The following SPEM2 variants were observed in gnomAD, a reference collection of about 807,000 sequenced individuals.
SPEM2 encodes SPEM family member 2, also known as uncharacterized protein SPEM2.
A neutral mutation model predicts 9.3 loss-of-function variants in SPEM2; 15 were observed. That is an observed-to-expected ratio of 1.62 (90% CI 1.08 to 2.50). The LOEUF is 2.50. Among genes scored for constraint, SPEM2 ranks in the 30% most tolerant of loss-of-function variants. The pLI is 0.00. For synonymous variants in SPEM2, 268 were observed against 272.4 expected (o/e 0.98, Z 0.16); for missense variants, 678 against 690.0 (o/e 0.98, Z 0.19).
At position 7,425,832 on chromosome 17, in the gene SPEM2, T is replaced by C. The variant is rs1017204262; in HGVS notation, c.138+6T>C. On this transcript the variant is annotated splice_donor_region_variant and intron_variant, in intron 1 of 2. Coordinates refer to ENST00000333870, the MANE Select transcript of SPEM2 (RefSeq NM_175734.5). Reference sequence around the variant, plus strand: ...GCATCAACGTGGCAACTATGGTCAGTGATGATTGTGGACTACCTCTGGGGG... The same window carrying C: ...GCATCAACGTGGCAACTATGGTCAGCGATGATTGTGGACTACCTCTGGGGG... 4.3e-6 allele frequency: 7 copies of C among 1,613,850 alleles called. No individual in the cohort carries two copies. The highest frequency in any genetic ancestry group is 5.9e-6 in the Non-Finnish European group (7 of 1,179,978).
In SPEM2 at chr17:7,426,814, C is replaced by T; in HGVS notation, c.823C>T (p.Gln275Ter). ...SRLWGNVEAE[Q>*]WASSPPPPHR... is the part of the protein sequence containing the mutation. ...ACTGTGGGGCAATGTGGAGGCTGAG[C>T]AGTGGGCCTCGTCTCCACCACCTCC... Residue 275 changes from glutamine to a stop codon, truncating the protein, a stop_gained, in exon 3 of 3, where the codon CAG (glutamine) becomes TAG (stop). Transcript: ENST00000333870. LOFTEE classifies it low-confidence loss of function (END_TRUNC). The surrounding 1 kb of genome is among the most constrained non-coding windows in gnomAD (Gnocchi z 5.3). 1 of 1,606,326 alleles carries T rather than the reference C, an allele frequency of 6.2e-7. No individual in the cohort carries two copies. The highest frequency in any genetic ancestry group is 8.5e-7 in the Non-Finnish European group (1 of 1,175,760).
Position 7,426,922 on chromosome 17 carries a change from T to C in SPEM2, c.931T>C (p.Trp311Arg), listed in dbSNP as rs1907640236. ...PSVGWMLYDS[W>R]DQRRRGTEGF... ...AGTGGGCTGGATGCTGTATGACTCC[T>C]GGGATCAGCGGCGTCGTGGCACGGA... Residue 311 changes from tryptophan to arginine, a missense_variant, in exon 3 of 3, where the codon TGG becomes CGG. By Grantham distance (101) the Trp-to-Arg change is moderately radical (BLOSUM62 -3). Coordinates refer to ENST00000333870, the MANE Select transcript of SPEM2 (RefSeq NM_175734.5). The surrounding 1 kb of genome is among the most constrained non-coding windows in gnomAD (Gnocchi z 5.3). The C allele has an allele frequency of 6.2e-7, 1 of 1,613,320 alleles. No individual in the cohort carries two copies. The highest frequency in any genetic ancestry group is 8.5e-7 in the Non-Finnish European group (1 of 1,179,994).
At position 7,427,289 on chromosome 17, in the gene SPEM2, T is replaced by C; in HGVS notation, c.1298T>C (p.Val433Ala). Residue 433 changes from valine (V) to alanine (A), a missense_variant, in exon 3 of 3, where the codon GTC becomes GCC. Physicochemically the swap from Val to Ala is moderately conservative, Grantham distance 64. Transcript: ENST00000333870. The surrounding 1 kb of genome is among the most constrained non-coding windows in gnomAD (Gnocchi z 5.4). ...VPHSSQPWPK[V>A]QAADPAPPPT... ...CATTCCTCCCAGCCCTGGCCCAAAG[T>C]CCAGGCTGCGGACCCTGCCCCTCCC... is the stretch of plus-strand genomic sequence containing the variant. The C allele has an allele frequency of 6.2e-7, 1 of 1,613,910 alleles. No individual in the cohort carries two copies. Among genetic ancestry groups the C allele is most frequent in the Non-Finnish European group, 8.5e-7 (1 of 1,179,938 alleles).
rs374526288 is a variant in SPEM2 at position 7,426,912 on chromosome 17, G to T, written c.921G>T (p.Leu307=). 8.1e-6 allele frequency: 13 copies of T among 1,613,260 alleles called. No individual in the cohort carries two copies. Among genetic ancestry groups the T allele is most frequent in the Non-Finnish European group, 1.0e-5 (12 of 1,180,018 alleles). ...CTTACCCCTCAGTGGGCTGGATGCT[G>T]TATGACTCCTGGGATCAGCGGCGTC... ...HSPYPSVGWM[L]YDSWDQRRRG... is the part of the protein sequence containing the mutation. The change falls in exon 3 of 3, where the codon CTG becomes CTT. Residue 307 remains leucine, a synonymous_variant. Transcript: ENST00000333870. The surrounding 1 kb of genome is among the most constrained non-coding windows in gnomAD (Gnocchi z 5.3).
rs760182580 is a variant in SPEM2 at position 7,427,313 on chromosome 17, C to A, written c.1322C>A (p.Pro441His). The change falls in exon 3 of 3, where the codon CCC (proline) becomes CAC (histidine). Residue 441 changes from proline to histidine, a missense_variant. Physicochemically the swap from Pro to His is moderately conservative, Grantham distance 77 (BLOSUM62 -2). Coordinates refer to ENST00000333870, the MANE Select transcript of SPEM2 (RefSeq NM_175734.5). This position sits in a 1 kb window ranked among gnomAD's most constrained non-coding sequence, Gnocchi z 5.4. ...GTCCAGGCTGCGGACCCTGCCCCTC[C>A]CCCGACCATGTTTGTCCCACTCAGC... Reference protein sequence around the residue: ...PKVQAADPAPPPTMFVPLSRN... With the variant: ...PKVQAADPAPHPTMFVPLSRN... 1.9e-6 allele frequency: 3 copies of A among 1,614,082 alleles called. No individual in the cohort carries two copies. Among genetic ancestry groups the A allele is most frequent in the South Asian group, 2.2e-5 (2 of 91,070 alleles).
Position 7,426,865 on chromosome 17 carries a change from T to C in SPEM2, c.874T>C (p.Trp292Arg), listed in dbSNP as rs1193897610. ...PPHRLPPNPS[W>R]VPVGHSPYPS... ...CCACCGGCTGCCCCCTAACCCCTCT[T>C]GGGTCCCCGTGGGGCACAGCCCTTA... is the stretch of plus-strand genomic sequence containing the variant. The change falls in exon 3 of 3, where the codon TGG becomes CGG. Residue 292 changes from tryptophan to arginine, a missense_variant. By Grantham distance (101) the Trp-to-Arg change is moderately radical. Coordinates refer to ENST00000333870, the MANE Select transcript of SPEM2 (RefSeq NM_175734.5). This position sits in a 1 kb window ranked among gnomAD's most constrained non-coding sequence, Gnocchi z 5.3. The C allele has an allele frequency of 6.2e-7, 1 of 1,612,810 alleles. No individual in the cohort carries two copies. Among genetic ancestry groups the C allele is most frequent in the Non-Finnish European group, 8.5e-7 (1 of 1,179,678 alleles).
At position 7,426,466 on chromosome 17, in the gene SPEM2, C is replaced by T. The variant is rs141473851; in HGVS notation, c.475C>T (p.Arg159Cys). 3.9e-5 allele frequency: 63 copies of T among 1,613,960 alleles called. No individual in the cohort carries two copies. Among genetic ancestry groups the T allele is most frequent in the Non-Finnish European group, 4.7e-5 (56 of 1,180,036 alleles). The stretch of plus-strand genomic sequence containing the variant: ...AATCCCCCATAGCCACTCAGTCTTC[C>T]GTAACCCACATCGCAGCCAAAAGAT... ...RQIPHSHSVF[R>C]NPHRSQKMSQ... The change falls in exon 3 of 3, where the codon CGT becomes TGT. Residue 159 changes from arginine to cysteine, a missense_variant. Physicochemically the swap from Arg to Cys is radical, Grantham distance 180. Transcript: ENST00000333870. This position sits in a 1 kb window ranked among gnomAD's most constrained non-coding sequence, Gnocchi z 5.3.
Position 7,426,248 on chromosome 17 carries a change from A to G in SPEM2, c.257A>G (p.His86Arg). 6.2e-7 allele frequency: 1 copy of G among 1,614,116 alleles called. No individual in the cohort carries two copies. Residue 86 changes from histidine (H) to arginine (R), a missense_variant, in exon 3 of 3, where the codon CAC (histidine) becomes CGC (arginine). His to Arg is a conservative substitution (Grantham distance 29). Transcript: ENST00000333870. This position sits in a 1 kb window ranked among gnomAD's most constrained non-coding sequence, Gnocchi z 5.3. ...SGPPDKAQDV[H>R]IHCILDPVQV... ...CCCCCAGACAAGGCTCAGGATGTCCACATCCACTGCATCCTGGACCCTGTG... is the reference window on the plus strand; with the variant it reads ...CCCCCAGACAAGGCTCAGGATGTCCGCATCCACTGCATCCTGGACCCTGTG...
rs760478506 is a variant in SPEM2 at position 7,426,950 on chromosome 17, G to A, written c.959G>A (p.Gly320Asp). ...GATCAGCGGCGTCGTGGCACGGAGG[G>A]CTTTGAGCGCCCCCCTGCCTCGGTG... is the stretch of plus-strand genomic sequence containing the variant. ...SWDQRRRGTE[G>D]FERPPASVSR... Residue 320 changes from glycine (G) to aspartate (D), a missense_variant, in exon 3 of 3, where the codon GGC (glycine) becomes GAC (aspartate). Coordinates refer to ENST00000333870, the MANE Select transcript of SPEM2 (RefSeq NM_175734.5). The surrounding 1 kb of genome is among the most constrained non-coding windows in gnomAD (Gnocchi z 5.3). 39 of 1,612,466 alleles carry A rather than the reference G, an allele frequency of 2.4e-5. No individual in the cohort carries two copies. The Middle Eastern group carries it at 8.2e-4, about 34-fold the overall frequency.
rs543714783 is a variant in SPEM2 at position 7,426,791 on chromosome 17, T to C, written c.800T>C (p.Leu267Pro). The change falls in exon 3 of 3, where the codon CTG (leucine) becomes CCG (proline). Residue 267 changes from leucine to proline, a missense_variant. Physicochemically the swap from Leu to Pro is moderately conservative, Grantham distance 98. Coordinates refer to ENST00000333870, the MANE Select transcript of SPEM2 (RefSeq NM_175734.5). The surrounding 1 kb of genome is among the most constrained non-coding windows in gnomAD (Gnocchi z 5.3). ...SYGRHGSQSR[L>P]WGNVEAEQWA... ...GGGCGCCACGGTTCCCAATCCCGAC[T>C]GTGGGGCAATGTGGAGGCTGAGCAG... 6.2e-7 allele frequency: 1 copy of C among 1,603,348 alleles called. No homozygotes were observed. The highest frequency in any genetic ancestry group is 2.2e-5 in the East Asian group (1 of 44,770).
rs760059609 is a variant in SPEM2 at position 7,426,577 on chromosome 17, C to T, written c.586C>T (p.Pro196Ser). The T allele has an allele frequency of 4.3e-6, 7 of 1,614,190 alleles. No homozygotes were observed. In the South Asian group the frequency reaches 6.6e-5, roughly 15 times the overall value. The change falls in exon 3 of 3, where the codon CCC (proline) becomes TCC (serine). Residue 196 changes from proline (P) to serine (S), a missense_variant. Coordinates refer to ENST00000333870, the MANE Select transcript of SPEM2 (RefSeq NM_175734.5). The surrounding 1 kb of genome is among the most constrained non-coding windows in gnomAD (Gnocchi z 5.3). ...GGAGGACAACCTGCCCTTCCCGTAT[C>T]CCAAGTACCCACGTCGCGGCTGGGG... is the stretch of plus-strand genomic sequence containing the variant. ...EEEDNLPFPYPKYPRRGWGGF... is the reference protein window; with the variant it reads ...EEEDNLPFPYSKYPRRGWGGF...
At position 7,426,244 on chromosome 17, in the gene SPEM2, G is replaced by A; in HGVS notation, c.253G>A (p.Val85Ile). Residue 85 changes from valine to isoleucine, a missense_variant, in exon 3 of 3, where the codon GTC (valine) becomes ATC (isoleucine). Transcript: ENST00000333870. This position sits in a 1 kb window ranked among gnomAD's most constrained non-coding sequence, Gnocchi z 5.3. ...TGGTCCCCCAGACAAGGCTCAGGAT[G>A]TCCACATCCACTGCATCCTGGACCC... ...PSGPPDKAQD[V>I]HIHCILDPVQ... 6.2e-7 allele frequency: 1 copy of A among 1,614,156 alleles called. No homozygotes were observed. Among genetic ancestry groups the A allele is most frequent in the Non-Finnish European group, 8.5e-7 (1 of 1,180,018 alleles).
Position 7,426,038 on chromosome 17 carries a change from G to A in SPEM2, c.184G>A (p.Ala62Thr). 1 of 1,614,178 alleles carries A rather than the reference G, an allele frequency of 6.2e-7. No homozygotes were observed. Among genetic ancestry groups the A allele is most frequent in the Non-Finnish European group, 8.5e-7 (1 of 1,180,034 alleles). The change falls in exon 2 of 3, where the codon GCT (alanine) becomes ACT (threonine). Residue 62 changes from alanine to threonine, a missense_variant. By Grantham distance (58) the Ala-to-Thr change is moderately conservative. Coordinates refer to ENST00000333870, the MANE Select transcript of SPEM2 (RefSeq NM_175734.5). The surrounding 1 kb of genome is among the most constrained non-coding windows in gnomAD (Gnocchi z 5.3). ...QNALDKMIDW[A>T]TQKNEIQASE... ...CGCCTTAGACAAGATGATTGATTGG[G>A]CTACTCAGAAAAGTAAGTGTGGCTG...
Position 7,427,555 on chromosome 17 carries a change from C to T in SPEM2, c.*58C>T. On this transcript the variant is annotated 3_prime_UTR_variant, in exon 3 of 3. Coordinates refer to ENST00000333870, the MANE Select transcript of SPEM2 (RefSeq NM_175734.5). The surrounding 1 kb of genome is among the most constrained non-coding windows in gnomAD (Gnocchi z 5.4). ...ATGGAGGGAGAGGAATAAAGAGAAA[C>T]AGAGTCCAGGAAACACTGTGGTGGT... 6.6e-7 allele frequency: 1 copy of T among 1,518,142 alleles called. No homozygotes were observed. 94.0% of individuals were successfully genotyped at this position (1,518,142 alleles called of 1,614,324 possible). A position where few individuals can be genotyped will look rare whatever the true frequency, so the allele number is the denominator to read the frequency against.
In SPEM2 at chr17:7,426,860, C is replaced by T. The variant is rs1907635260; in HGVS notation, c.869C>T (p.Pro290Leu). Residue 290 changes from proline to leucine, a missense_variant, in exon 3 of 3, where the codon CCC becomes CTC. Physicochemically the swap from Pro to Leu is moderately conservative, Grantham distance 98 (BLOSUM62 -3). Coordinates refer to ENST00000333870, the MANE Select transcript of SPEM2 (RefSeq NM_175734.5). This position sits in a 1 kb window ranked among gnomAD's most constrained non-coding sequence, Gnocchi z 5.3. ...PPPPHRLPPNPSWVPVGHSPY... is the reference protein window; with the variant it reads ...PPPPHRLPPNLSWVPVGHSPY... ...CCTCCCCACCGGCTGCCCCCTAACC[C>T]CTCTTGGGTCCCCGTGGGGCACAGC... is the stretch of plus-strand genomic sequence containing the variant. The T allele has an allele frequency of 1.2e-6, 2 of 1,612,614 alleles. No individual in the cohort carries two copies. Among genetic ancestry groups the T allele is most frequent in the Non-Finnish European group, 1.7e-6 (2 of 1,179,620 alleles).
At chr17:7,425,880 C>G in intron 1 of SPEM2, 54 bp downstream of exon 1, 2 of 1,612,362 alleles carry the variant, frequency 1.2e-6, no homozygotes, top group East Asian at 2.2e-5. Flanking sequence ...AGGGTGGGAG[C>G]CAGCTGCAGC....
At position 7,427,197 on chromosome 17, in the gene SPEM2, C is replaced by T. The variant is rs1907661476; in HGVS notation, c.1206C>T (p.Ala402=). The T allele has an allele frequency of 3.7e-6, 6 of 1,614,226 alleles. No individual in the cohort carries two copies. Among genetic ancestry groups the T allele is most frequent in the Middle Eastern group, 1.6e-4 (1 of 6,062 alleles). Reference sequence around the variant, plus strand: ...CCTGGCGTCCTCTGACTACCTCTGCCTCCCTCACGGTGTTGGACGAGGCCT... The same window carrying T: ...CCTGGCGTCCTCTGACTACCTCTGCTTCCCTCACGGTGTTGGACGAGGCCT... ...LPAWRPLTTS[A]SLTVLDEASH... The change falls in exon 3 of 3, where the codon GCC becomes GCT. Residue 402 remains alanine, a synonymous_variant. Transcript: ENST00000333870. This position sits in a 1 kb window ranked among gnomAD's most constrained non-coding sequence, Gnocchi z 5.4.
Position 7,426,080 on chromosome 17 carries a change from C to T in SPEM2, c.196+30C>T, listed in dbSNP as rs370485691. 2 of 1,613,680 alleles carry T rather than the reference C, an allele frequency of 1.2e-6. No individual in the cohort carries two copies. Among genetic ancestry groups the T allele is most frequent in the Admixed American group, 1.7e-5 (1 of 59,990 alleles). ...GTGTGGCTGCTGGAGAGGTAGGGGA[C>T]CCCCATCCCCACCCCTGACAATGGC... On this transcript the variant is annotated intron_variant, in intron 2 of 2. Transcript: ENST00000333870. This position sits in a 1 kb window ranked among gnomAD's most constrained non-coding sequence, Gnocchi z 5.3.
rs2150824834 is a variant in SPEM2, at chr17:7,426,565, C to T, written c.574C>T (p.Pro192Ser). Reference protein sequence around the residue: ...DSYLEEEDNLPFPYPKYPRRG... With the variant: ...DSYLEEEDNLSFPYPKYPRRG... The stretch of plus-strand genomic sequence containing the variant: ...CTACCTGGAGGAGGAGGACAACCTG[C>T]CCTTCCCGTATCCCAAGTACCCACG... Residue 192 changes from proline to serine, a missense_variant, in exon 3 of 3, where the codon CCC becomes TCC. Pro to Ser is a moderately conservative substitution (Grantham distance 74). Transcript: ENST00000333870. The surrounding 1 kb of genome is among the most constrained non-coding windows in gnomAD (Gnocchi z 5.3). 7 of 1,614,216 alleles carry T rather than the reference C, an allele frequency of 4.3e-6. No homozygotes were observed. The South Asian group carries it at 6.6e-5, about 15-fold the overall frequency.
Sources: allele counts gnomAD v4.1 joint callset, GRCh38; gene constraint gnomAD v4.1.1; non-coding constraint Gnocchi (gnomAD v3.1); transcripts MANE v1.5; gene names NCBI Gene and HGNC (gene_info 2026-07-23, HGNC 2026-07-21).